ATP6V1A: variants seen among roughly 807,000 people sequenced by gnomAD.
The protein encoded by ATP6V1A is V-type proton ATPase catalytic subunit A.
A neutral mutation model predicts 70.1 loss-of-function variants in ATP6V1A; 18 were observed. The ratio of observed to expected loss-of-function variants is 0.26; its 90% CI spans 0.18 to 0.38. The LOEUF (loss-of-function observed/expected upper bound fraction) is 0.38, where lower values mean the gene tolerates loss of function less well. ATP6V1A is among the 10% of genes least tolerant of loss of function. ATP6V1A has a pLI of 1.00. For missense variants in ATP6V1A, 424 were observed against 772.4 expected, an observed-to-expected ratio of 0.55 and a Z score of 5.35; for synonymous variants, 232 against 253.8, an observed-to-expected ratio of 0.91 and a Z score of 0.82.
chr3:113,764,005 C>T (rs929918674), intron 1 of ATP6V1A, among the ~76,000 whole-genome samples: 65 of 151,972 alleles, frequency 4.3e-4, no homozygotes, highest in African/African-American at 1.4e-3. Flanking sequence ...TTTGGGAGGC[C>T]GAAGCGGGAG....
At chr3:113,781,800 A>G (rs1397134585) in intron 3 of ATP6V1A, among the ~76,000 whole-genome samples, 1 of 152,214 alleles carries the variant, frequency 6.6e-6, no homozygotes, top group African/African-American at 2.4e-5. Flanking sequence ...AAGAAAGCGT[A>G]AACAGAATAA....
intron 1 of ATP6V1A, among the ~76,000 whole-genome samples, chr3:113,774,778 A>C (rs1348196485): frequency 6.6e-6 from 1 of 151,270 alleles, no homozygotes. Context: ...GCACCACTGC[A>C]CTCCAGCCTG....
At chr3:113,776,367 C>G (rs1180273973) in intron 1 of ATP6V1A, among the ~76,000 whole-genome samples, 1 of 151,870 alleles carries the variant, frequency 6.6e-6, no homozygotes, top group Admixed American at 6.6e-5. Flanking sequence ...GAACTTGTCT[C>G]AAAAAAACAA....
At chr3:113,767,470 G>A (rs1275695555) in intron 1 of ATP6V1A, among the ~76,000 whole-genome samples, 1 of 152,128 alleles carries the variant, frequency 6.6e-6, no homozygotes, top group Non-Finnish European at 1.5e-5. Flanking sequence ...GGAGGAAGTA[G>A]GAAAATGATA....
intron 6 of ATP6V1A, among the ~76,000 whole-genome samples, chr3:113,788,097 T>C (rs1017784871): frequency 2.6e-5 from 4 of 152,170 alleles, no homozygotes; most frequent in African/African-American, 9.7e-5. Context: ...TTTCTAAATA[T>C]TTTTATAGAG....
At chr3:113,784,465 G>C in intron 4 of ATP6V1A, 27 bp downstream of exon 4, 1 of 1,555,464 alleles carries the variant, frequency 6.4e-7, no homozygotes, top group Non-Finnish European at 8.8e-7. Context: ...AAGAATTTCT[G>C]AAGTTATTGA....
chr3:113,748,995 T>C (rs1199412160), intron 1 of ATP6V1A, among the ~76,000 whole-genome samples: 1 of 152,128 alleles, frequency 6.6e-6, no homozygotes, highest in Non-Finnish European at 1.5e-5. Context: ...ATTCCTTATG[T>C]GGTCTGGAAG....
chr3:113,789,962 C>A, intron 8 of ATP6V1A, 122 bp downstream of exon 8: 2 of 675,448 alleles, frequency 3.0e-6, no homozygotes, highest in Non-Finnish European at 4.9e-6. Context: ...TAAGCACATT[C>A]CTAGCTTTTA....
At chr3:113,782,888 G>A (rs540065675) in intron 3 of ATP6V1A, among the ~76,000 whole-genome samples, 1 of 151,928 alleles carries the variant, frequency 6.6e-6, no homozygotes, top group Non-Finnish European at 1.5e-5. Flanking sequence ...TCCCAAGATA[G>A]CATATTTTAG....
intron 1 of ATP6V1A, among the ~76,000 whole-genome samples, chr3:113,777,546 A>G (rs1159212572): frequency 2.0e-5 from 3 of 152,218 alleles, no homozygotes; most frequent in Non-Finnish European, 4.4e-5. Flanking sequence ...ACTTGAGTCC[A>G]GGAGTTTAAG....
At chr3:113,749,190 T>G (rs1194371603) in intron 1 of ATP6V1A, among the ~76,000 whole-genome samples, 2 of 151,738 alleles carry the variant, frequency 1.3e-5, no homozygotes, top group African/African-American at 4.8e-5. Context: ...GAAATGTAGA[T>G]TAGTAGTGGG....
intron 1 of ATP6V1A, among the ~76,000 whole-genome samples, chr3:113,759,566 AAAATTAT>A (rs1708679392): frequency 6.6e-6 from 1 of 151,966 alleles, no homozygotes; most frequent in East Asian, 1.9e-4. Context: ...AATTATTAAT[AAAATTAT>A]AACTTAATAA....
At chr3:113,757,502 C>T (rs944089183) in intron 1 of ATP6V1A, among the ~76,000 whole-genome samples, 7 of 152,164 alleles carry the variant, frequency 4.6e-5, no homozygotes, top group African/African-American at 1.4e-4. Flanking sequence ...CCTCATGGCA[C>T]GAAAGTGTGT....
At chr3:113,800,096 G>A (rs1482782820) in intron 12 of ATP6V1A, among the ~76,000 whole-genome samples, 1 of 152,016 alleles carries the variant, frequency 6.6e-6, no homozygotes, top group Non-Finnish European at 1.5e-5. Flanking sequence ...GCTGGGCATG[G>A]TGGCGCACCC....
chr3:113,779,134 GTAAA>G (rs1708952307), intron 2 of ATP6V1A: 2 of 204,904 alleles, frequency 9.8e-6, no homozygotes, highest in South Asian at 1.7e-4. Flanking sequence ...TAAATTTGAG[GTAAA>G]TAAACTATGA....
intron 1 of ATP6V1A, among the ~76,000 whole-genome samples, chr3:113,762,139 CAA>C (rs1434337299): frequency 7.9e-6 from 1 of 126,780 alleles, no homozygotes; most frequent in Admixed American, 7.6e-5. Flanking sequence ...GCAACAAGAG[CAA>C]AACTCTGTCT....
intron 14 of ATP6V1A, among the ~76,000 whole-genome samples, chr3:113,806,981 T>G (rs1239904931): frequency 1.3e-5 from 2 of 151,834 alleles, no homozygotes; most frequent in Admixed American, 1.3e-4. Flanking sequence ...AATTTTTAAA[T>G]TATATATATA....
chr3:113,757,554 A>G (rs956553166), intron 1 of ATP6V1A, among the ~76,000 whole-genome samples: 3 of 152,228 alleles, frequency 2.0e-5, no homozygotes, highest in Non-Finnish European at 4.4e-5. Context: ...CATTCAACAT[A>G]TTGTAAGCTG....
chr3:113,800,533 C>A (rs1433723444), intron 12 of ATP6V1A, among the ~76,000 whole-genome samples: 1 of 152,062 alleles, frequency 6.6e-6, no homozygotes, highest in Non-Finnish European at 1.5e-5. Context: ...TTGTTTCAGT[C>A]TGTGATAGAA....
Sources: gnomAD v4.1 joint callset for allele counts (sites outside exome capture counted in the v4.1 genomes callset) on GRCh38, gnomAD v4.1.1 for gene constraint, MANE v1.5 for transcripts, NCBI Gene and HGNC (gene_info 2026-07-23, HGNC 2026-07-21) for gene names.